C10orf90: variants seen among roughly 807,000 people sequenced by gnomAD.
C10orf90 encodes the protein chromosome 10 open reading frame 90.
In C10orf90, 56 loss-of-function variants were observed where a neutral mutation model predicts 62.5. The observed-to-expected ratio is 0.90, with a 90% CI of 0.72 to 1.12. The LOEUF (loss-of-function observed/expected upper bound fraction) is 1.12, where lower values mean the gene tolerates loss of function less well. C10orf90 is among the 50% of genes most tolerant of loss of function. C10orf90 has a pLI of 0.00. For synonymous variants in C10orf90, 386 were observed against 340.4 expected, an observed-to-expected ratio of 1.13 and a Z score of -1.47; for missense variants, 970 against 880.4, an observed-to-expected ratio of 1.10 and a Z score of -1.29.
At chr10:126,513,432 T>C (rs1863253046) in intron 3 of C10orf90, among the ~76,000 whole-genome samples, 1 of 152,220 alleles carries the variant, frequency 6.6e-6, no homozygotes, top group Non-Finnish European at 1.5e-5. Context: ...CCCTACGATC[T>C]GAAATATTTC....
intron 4 of C10orf90, 23 bp downstream of exon 4, chr10:126,503,934 C>T: frequency 6.3e-7 from 1 of 1,589,288 alleles, no homozygotes; most frequent in Non-Finnish European, 8.6e-7. Context: ...GGTCACCCTC[C>T]TGCAGATGGA....
intron 4 of C10orf90, among the ~76,000 whole-genome samples, chr10:126,478,413 C>G (rs1161995566): frequency 6.6e-6 from 1 of 152,152 alleles, no homozygotes; most frequent in Non-Finnish European, 1.5e-5. Context: ...CAAACATGAG[C>G]CTTTGTTATA....
chr10:126,535,214 T>A (rs1055972700), intron 2 of C10orf90, among the ~76,000 whole-genome samples: 1 of 152,018 alleles, frequency 6.6e-6, no homozygotes, highest in African/African-American at 2.4e-5. Context: ...TGTATTTTTT[T>A]TTCATTTTTA....
chr10:126,444,829 G>A (rs532684362), intron 7 of C10orf90, among the ~76,000 whole-genome samples: 1 of 152,204 alleles, frequency 6.6e-6, no homozygotes, highest in African/African-American at 2.4e-5. Flanking sequence ...TAGGCACATA[G>A]AACAATGGAA....
intron 2 of C10orf90, among the ~76,000 whole-genome samples, chr10:126,562,031 G>T (rs1864913416): frequency 6.6e-6 from 1 of 152,162 alleles, no homozygotes. Flanking sequence ...GAGAGTCCTG[G>T]GTGCCGCCCT....
intron 4 of C10orf90, among the ~76,000 whole-genome samples, chr10:126,479,793 T>C (rs990108404): frequency 6.6e-6 from 1 of 152,226 alleles, no homozygotes; most frequent in Non-Finnish European, 1.5e-5. Flanking sequence ...TGTTTCTATT[T>C]GGGATTTTAA....
chr10:126,645,354 G>T (rs1207141958), intron 2 of C10orf90, among the ~76,000 whole-genome samples: 1 of 151,422 alleles, frequency 6.6e-6, no homozygotes, highest in East Asian at 1.9e-4. Context: ...GGTTGCTTGA[G>T]CCCAGGAGTT....
At chr10:126,535,407 C>T (rs908313690) in intron 2 of C10orf90, among the ~76,000 whole-genome samples, 2 of 151,518 alleles carry the variant, frequency 1.3e-5, no homozygotes, top group East Asian at 2.0e-4. Flanking sequence ...GTCCCAGCTA[C>T]GTGGGAGGCT....
chr10:126,462,418 C>G (rs1860046062), intron 5 of C10orf90, among the ~76,000 whole-genome samples: 1 of 152,132 alleles, frequency 6.6e-6, no homozygotes, highest in Non-Finnish European at 1.5e-5. Flanking sequence ...ATTCCTCTGC[C>G]CAGTGGACTC....
chr10:126,553,363 G>A (rs1047694152), intron 2 of C10orf90, among the ~76,000 whole-genome samples: 1 of 152,098 alleles, frequency 6.6e-6, no homozygotes, highest in Non-Finnish European at 1.5e-5. Flanking sequence ...TCATAAGAGA[G>A]TATAGCTAGT....
chr10:126,526,650 G>A (rs971415388), intron 2 of C10orf90, among the ~76,000 whole-genome samples: 8 of 152,106 alleles, frequency 5.3e-5, no homozygotes, highest in African/African-American at 1.9e-4. Flanking sequence ...ACCAAGTTAT[G>A]CAACCATCAC....
At chr10:126,555,555 T>C (rs962120101) in intron 2 of C10orf90, among the ~76,000 whole-genome samples, 4 of 151,852 alleles carry the variant, frequency 2.6e-5, no homozygotes, top group South Asian at 4.2e-4. Flanking sequence ...GGCCTGTGCC[T>C]GTAATCCCAG....
At chr10:126,434,612 C>T (rs974519984) in intron 7 of C10orf90, among the ~76,000 whole-genome samples, 3 of 152,158 alleles carry the variant, frequency 2.0e-5, no homozygotes, top group African/African-American at 7.2e-5. Context: ...AGTCAATAAG[C>T]CAGCCTGGAG....
chr10:126,590,820 G>A (rs1285047191), intron 2 of C10orf90, among the ~76,000 whole-genome samples: 1 of 151,960 alleles, frequency 6.6e-6, no homozygotes, highest in Non-Finnish European at 1.5e-5. Context: ...AAAGAAAAGA[G>A]AGAAGAATCA....
intron 6 of C10orf90, 63 bp downstream of exon 6, chr10:126,461,338 C>T (rs998655488): frequency 3.8e-5 from 60 of 1,566,198 alleles, no homozygotes; most frequent in Non-Finnish European, 4.7e-5. Flanking sequence ...TGTGTGCTCA[C>T]GGACTCCCTA....
intron 1 of C10orf90, among the ~76,000 whole-genome samples, chr10:126,653,462 A>C (rs925664009): frequency 6.6e-6 from 1 of 152,250 alleles, no homozygotes; most frequent in Non-Finnish European, 1.5e-5. Flanking sequence ...TTGTTCCTTC[A>C]TAAGAAGTGA....
chr10:126,513,149 G>A (rs1591048959), intron 3 of C10orf90, among the ~76,000 whole-genome samples: 1 of 152,142 alleles, frequency 6.6e-6, no homozygotes, highest in African/African-American at 2.4e-5. Flanking sequence ...AGTCCATACT[G>A]TAAATCTGGT....
intron 3 of C10orf90, among the ~76,000 whole-genome samples, chr10:126,507,182 T>C (rs893689817): frequency 5.3e-5 from 8 of 151,710 alleles, no homozygotes; most frequent in Non-Finnish European, 1.0e-4. Context: ...ACGGTGAAAC[T>C]CTGTCTCTAC....
chr10:126,616,976 G>A (rs947682715), intron 2 of C10orf90, among the ~76,000 whole-genome samples: 2 of 152,096 alleles, frequency 1.3e-5, no homozygotes, highest in African/African-American at 4.8e-5. Context: ...GAAAGACAAC[G>A]GGAGACAAAA....
Sources: allele counts gnomAD v4.1 joint callset (sites outside exome capture counted in the v4.1 genomes callset), GRCh38; gene constraint gnomAD v4.1.1; transcripts MANE v1.5; gene names NCBI Gene and HGNC (gene_info 2026-07-23, HGNC 2026-07-21).